The following AGFG2 variants were observed in gnomAD, a reference collection of about 807,000 sequenced individuals.
AGFG2 encodes the protein arf-GAP domain and FG repeat-containing protein 2.
In AGFG2, 31 loss-of-function variants were observed where a neutral mutation model predicts 48.0. That is an observed-to-expected ratio of 0.65 (90% CI 0.49 to 0.87). The LOEUF is 0.87. Ranked by LOEUF, AGFG2 falls within the 40% of genes least tolerant of loss-of-function variation. The pLI, the probability that AGFG2 is intolerant of heterozygous loss-of-function variation, is 0.00. For missense variants in AGFG2, 599 were observed against 632.6 expected, an observed-to-expected ratio of 0.95 and a Z score of 0.57; for synonymous variants, 229 against 260.8, an observed-to-expected ratio of 0.88 and a Z score of 1.18.
chr7:100,565,280 C>T lies in AGFG2; in HGVS notation c.*289C>T, dbSNP rs1800982895. On this transcript the variant is annotated 3_prime_UTR_variant, in exon 12 of 12. Transcript: ENST00000300176. ...GAGGGATTTTTTTCAAATGATCAGT[C>T]CCCTGTGGAACAGCTCTTCCCTGGG... 1 of 504,198 alleles carries T rather than the reference C, an allele frequency of 2.0e-6. No individual in the cohort carries two copies. Among genetic ancestry groups the T allele is most frequent in the Non-Finnish European group, 3.6e-6 (1 of 276,478 alleles). The allele number at this position is 504,198 out of a possible 1,614,324, so 31.2% of individuals were successfully genotyped here. A position where few individuals can be genotyped will look rare whatever the true frequency, so the allele number is the denominator to read the frequency against.
At chr7:100,540,774 G>A (rs887890990) in intron 1 of AGFG2, among the ~76,000 whole-genome samples, 1 of 152,086 alleles carries the variant, frequency 6.6e-6, no homozygotes, top group Non-Finnish European at 1.5e-5. Flanking sequence ...AGCACTTTGG[G>A]AGGCCGAGGC....
Position 100,548,148 on chromosome 7 carries a change from C to G in AGFG2, c.222-674C>G, listed in dbSNP as rs537495236. Among the ~76,000 whole-genome samples the G allele has an allele frequency of 3.3e-5, 5 of 152,178 alleles. No homozygotes were observed. The South Asian group carries it at 1.0e-3, about 32-fold the overall frequency. The stretch of plus-strand genomic sequence containing the variant: ...CGTGTCTGAGTTCCCAGAAGTACCC[C>G]CCTCGGCCTACAGGCTGAACACTGA... On this transcript the variant is annotated intron_variant, in intron 1 of 11. Transcript: ENST00000300176.
chr7:100,563,892 TG>T lies in AGFG2; in HGVS notation c.1234del (p.Ala412ProfsTer29). ...GCTTCCCCCAGGCAGTGCCACCCAC[TG>T]GGGCCTTTGCCAGCTCCTTCCCAGC... ...PGFPQAVPPTGAFASSFPAPL... is the reference protein window; with the variant it reads ...PGFPQAVPPTXAFASSFPAPL... On this transcript the variant is annotated frameshift_variant, in exon 10 of 12. Coordinates refer to ENST00000300176, the MANE Select transcript of AGFG2 (RefSeq NM_006076.5). LOFTEE classifies it high-confidence loss of function. 6.2e-7 allele frequency: 1 copy of T among 1,610,528 alleles called. No individual in the cohort carries two copies. Among genetic ancestry groups the T allele is most frequent in the Non-Finnish European group, 8.5e-7 (1 of 1,180,004 alleles).
intron 6 of AGFG2, among the ~76,000 whole-genome samples, chr7:100,558,627 C>G (rs28366985): frequency 2.0e-5 from 3 of 151,368 alleles, no homozygotes; most frequent in Non-Finnish European, 4.4e-5. Context: ...CTGCAAACTC[C>G]GCCTCTCGGG....
intron 3 of AGFG2, among the ~76,000 whole-genome samples, chr7:100,551,054 ATATATATATATATTTCT>A (rs1184278063): frequency 3.4e-4 from 26 of 76,258 alleles, no homozygotes; most frequent in Non-Finnish European, 6.2e-4. Flanking sequence ...ATATATATAT[ATATATATATATATTTCT>A]TTTTTTTTTT....
At chr7:100,543,447 AAGG>A (rs1800460041) in intron 1 of AGFG2, among the ~76,000 whole-genome samples, 1 of 152,198 alleles carries the variant, frequency 6.6e-6, no homozygotes. Flanking sequence ...TAGCCACAGA[AAGG>A]AGACAGCAGG....
rs143376469 is a variant in AGFG2 at position 100,553,520 on chromosome 7, G to A, written c.585+20G>A. 151 of 1,575,832 alleles carry A rather than the reference G, an allele frequency of 9.6e-5. No homozygotes were observed. Among genetic ancestry groups the A allele is most frequent in the Non-Finnish European group, 1.2e-4 (137 of 1,157,808 alleles). Reference sequence around the variant, plus strand: ...AGCCAGGTAACTCTCAGATCTGCTCGTCATGTTTCTTTTGAGATTTGGGAG... The same window carrying A: ...AGCCAGGTAACTCTCAGATCTGCTCATCATGTTTCTTTTGAGATTTGGGAG... On this transcript the variant is annotated intron_variant, in intron 4 of 11. Coordinates refer to ENST00000300176, the MANE Select transcript of AGFG2 (RefSeq NM_006076.5).
chr7:100,565,218 G>A lies in AGFG2; in HGVS notation c.*227G>A, dbSNP rs778547769. The stretch of plus-strand genomic sequence containing the variant: ...CAGGCAGGAAGCCCAGGAGGAGTGC[G>A]GGCAGGGCCTGACCTGGAGGAGTGA... On this transcript the variant is annotated 3_prime_UTR_variant, in exon 12 of 12. Transcript: ENST00000300176. 5 of 601,746 alleles carry A rather than the reference G, an allele frequency of 8.3e-6. No homozygotes were observed. Among genetic ancestry groups the A allele is most frequent in the South Asian group, 1.9e-5 (1 of 51,348 alleles). 37.3% of individuals were successfully genotyped at this position (601,746 alleles called of 1,614,324 possible).
intron 1 of AGFG2, among the ~76,000 whole-genome samples, chr7:100,543,296 C>T (rs1239684633): frequency 6.6e-6 from 1 of 152,188 alleles, no homozygotes; most frequent in African/African-American, 2.4e-5. Flanking sequence ...AACTCCTGAC[C>T]TCAGGTGATC....
Position 100,553,651 on chromosome 7 carries a change from G to T in AGFG2, c.585+151G>T, listed in dbSNP as rs550894962. 12 of 972,290 alleles carry T rather than the reference G, an allele frequency of 1.2e-5. No homozygotes were observed. The Admixed American group carries it at 1.3e-4, about 10-fold the overall frequency. 60.2% of individuals were successfully genotyped at this position (972,290 alleles called of 1,614,324 possible). On this transcript the variant is annotated intron_variant, in intron 4 of 11. Transcript: ENST00000300176. ...TGCTGTTAACCTGTATCTTGTATTT[G>T]TCACTTCTGGACCTCATATCTTTTG...
intron 6 of AGFG2, among the ~76,000 whole-genome samples, chr7:100,557,751 A>G (rs1800785709): frequency 6.6e-6 from 1 of 152,192 alleles, no homozygotes; most frequent in South Asian, 2.1e-4. Flanking sequence ...CACATTCTGT[A>G]TGATAAAAGA....
chr7:100,550,305 CAAAAAAA>C (rs61255061), intron 2 of AGFG2, 84 bp from the exon 3 acceptor site: 94 of 297,444 alleles, frequency 3.2e-4, no homozygotes, highest in African/African-American at 5.8e-4. Flanking sequence ...GACTCCGTCT[CAAAAAAA>C]AAAAAAAAAA....
intron 2 of AGFG2, among the ~76,000 whole-genome samples, chr7:100,549,735 C>G (rs1395129868): frequency 1.3e-5 from 2 of 152,064 alleles, no homozygotes; most frequent in Non-Finnish European, 2.9e-5. Flanking sequence ...CTCTGTCACC[C>G]AGGCTGGAGC....
At chr7:100,564,824 C>T in intron 11 of AGFG2, 108 bp from the exon 12 acceptor site, 1 of 1,268,046 alleles carries the variant, frequency 7.9e-7, no homozygotes, top group Non-Finnish European at 1.2e-6. Context: ...CACTTTCCCA[C>T]TGCCCTCAGC....
chr7:100,562,516 G>A lies in AGFG2; in HGVS notation c.999-78G>A. 6.2e-7 allele frequency: 1 copy of A among 1,607,746 alleles called. No homozygotes were observed. The highest frequency in any genetic ancestry group is 8.5e-7 in the Non-Finnish European group (1 of 1,176,340). ...TCCCTTACTCACCCTGGAGAGCAGG[G>A]TTGGCATCTCCTGGCCCCTTGCTCA... On this transcript the variant is annotated intron_variant, in intron 7 of 11. Coordinates refer to ENST00000300176, the MANE Select transcript of AGFG2 (RefSeq NM_006076.5). This position sits in a 1 kb window ranked among gnomAD's most constrained non-coding sequence, Gnocchi z 5.4.
intron 2 of AGFG2, 88 bp from the exon 3 acceptor site, chr7:100,550,305 CAAA>C (rs61255061): frequency 0.038 from 10,987 of 287,778 alleles, 1 homozygote; most frequent in South Asian, 0.045. Context: ...GACTCCGTCT[CAAA>C]AAAAAAAAAA....
Position 100,555,747 on chromosome 7 carries a change from C to T in AGFG2, c.877+12C>T, listed in dbSNP as rs773235308. 4.3e-6 allele frequency: 7 copies of T among 1,613,398 alleles called. No homozygotes were observed. The East Asian group carries it at 1.6e-4, about 36-fold the overall frequency. On this transcript the variant is annotated intron_variant, in intron 6 of 11. Transcript: ENST00000300176. Reference sequence around the variant, plus strand: ...GCCAACTCCTGCAGGTAAACTCTGCCCCACTGGCTTCCTTTCTCTTCCAAC... The same window carrying T: ...GCCAACTCCTGCAGGTAAACTCTGCTCCACTGGCTTCCTTTCTCTTCCAAC...
chr7:100,553,982 C>T (rs1190975475), intron 4 of AGFG2, 111 bp from the exon 5 acceptor site: 3 of 1,307,994 alleles, frequency 2.3e-6, no homozygotes, highest in Middle Eastern at 2.8e-4. Flanking sequence ...AGGGCAGTTA[C>T]TCACTGTCTT....
intron 1 of AGFG2, among the ~76,000 whole-genome samples, chr7:100,543,347 G>A (rs1285856112): frequency 2.0e-5 from 3 of 152,252 alleles, no homozygotes; most frequent in African/African-American, 7.2e-5. Flanking sequence ...TTACAGGCGT[G>A]AGCCACTGTG....
Sources: gnomAD v4.1 joint callset for allele counts (sites outside exome capture counted in the v4.1 genomes callset) on GRCh38, gnomAD v4.1.1 for gene constraint, Gnocchi (gnomAD v3.1) non-coding constraint, MANE v1.5 for transcripts, NCBI Gene and HGNC (gene_info 2026-07-23, HGNC 2026-07-21) for gene names.